TAFA2: variants seen among roughly 807,000 people sequenced by gnomAD.
The protein encoded by TAFA2 is chemokine-like protein TAFA-2.
In TAFA2, 7 loss-of-function variants were observed where a neutral mutation model predicts 18.8. The ratio of observed to expected loss-of-function variants is 0.37; its 90% CI spans 0.21 to 0.70. The LOEUF is 0.70. TAFA2 is among the 30% of genes least tolerant of loss of function. The pLI is 0.53. For synonymous variants in TAFA2, 60 were observed against 54.2 expected (o/e 1.11, Z -0.47); for missense variants, 122 against 158.1 (o/e 0.77, Z 1.23).
rs192909577 is a variant in TAFA2, at chr12:62,111,678, G to A, written c.-2+79581C>T. Among the ~76,000 whole-genome samples the A allele has an allele frequency of 2.9e-4, 44 of 152,170 alleles. No individual in the cohort carries two copies. The East Asian group carries it at 7.1e-3, about 25-fold the overall frequency. On this transcript the variant is annotated intron_variant, in intron 1 of 4. Coordinates refer to ENST00000416284, the MANE Select transcript of TAFA2 (RefSeq NM_178539.5). ...GTATGAATCTAGGTGCTCCTGTATTGGGTACATATATATTTAGTATAGTTA... is the reference window on the plus strand; with the variant it reads ...GTATGAATCTAGGTGCTCCTGTATTAGGTACATATATATTTAGTATAGTTA...
At chr12:61,926,480 T>G (rs549668656) in intron 1 of TAFA2, among the ~76,000 whole-genome samples, 26 of 152,104 alleles carry the variant, frequency 1.7e-4, no homozygotes, top group African/African-American at 6.3e-4. Context: ...CAGTAGCACA[T>G]CAAAAAGCTT....
At chr12:61,863,267 T>C (rs1454822368) in intron 2 of TAFA2, among the ~76,000 whole-genome samples, 2 of 152,140 alleles carry the variant, frequency 1.3e-5, no homozygotes, top group Non-Finnish European at 1.5e-5. Context: ...TAAAGGTCCC[T>C]GATGACCATG....
Position 61,935,855 on chromosome 12 carries a change from T to TAA in TAFA2, c.-1-68431_-1-68430dup, listed in dbSNP as rs559193679. ...TAAGTTCTGAAATTGAATCAGTAATTAAAAAAAAAACTTACCAAACAAAAA... is the reference window on the plus strand; with the variant it reads ...TAAGTTCTGAAATTGAATCAGTAATTAAAAAAAAAAAACTTACCAAACAAAAA... On this transcript the variant is annotated intron_variant, in intron 1 of 4. Transcript: ENST00000416284. Among the ~76,000 whole-genome samples, 588 of 148,128 alleles carry TAA rather than the reference T, an allele frequency of 4.0e-3. 5 individuals carry two copies. The highest frequency in any genetic ancestry group is 0.014 in the African/African-American group (555 of 40,510).
At chr12:61,887,653 C>A (rs1227522233) in intron 1 of TAFA2, among the ~76,000 whole-genome samples, 1 of 142,088 alleles carries the variant, frequency 7.0e-6, no homozygotes, top group Non-Finnish European at 1.5e-5. Flanking sequence ...TCTCATTGTT[C>A]AATTCCCACC....
At chr12:61,859,349 G>T (rs1592439976) in intron 2 of TAFA2, among the ~76,000 whole-genome samples, 1 of 152,196 alleles carries the variant, frequency 6.6e-6, no homozygotes, top group East Asian at 1.9e-4. Context: ...TCCCACCATT[G>T]ACACGTGGGG....
intron 2 of TAFA2, among the ~76,000 whole-genome samples, chr12:61,840,420 T>G (rs1025589874): frequency 1.3e-5 from 2 of 152,168 alleles, no homozygotes; most frequent in Non-Finnish European, 2.9e-5. Context: ...TTAAAACTTC[T>G]TAAACTCACT....
At chr12:62,077,471 G>A (rs947166355) in intron 1 of TAFA2, among the ~76,000 whole-genome samples, 1 of 152,202 alleles carries the variant, frequency 6.6e-6, no homozygotes, top group Non-Finnish European at 1.5e-5. Context: ...ATTGCTAAAA[G>A]GAAAGTAATA....
At chr12:61,863,345 G>A (rs1316117577) in intron 2 of TAFA2, among the ~76,000 whole-genome samples, 3 of 152,154 alleles carry the variant, frequency 2.0e-5, no homozygotes, top group African/African-American at 7.2e-5. Flanking sequence ...TGATCCACAG[G>A]GGCATCTTGT....
At chr12:61,794,574 T>C (rs1485148452) in intron 2 of TAFA2, among the ~76,000 whole-genome samples, 1 of 152,060 alleles carries the variant, frequency 6.6e-6, no homozygotes, top group African/African-American at 2.4e-5. Context: ...ATACTTAATA[T>C]TATGATTTCG....
chr12:62,153,175 G>A (rs915662091), intron 1 of TAFA2, among the ~76,000 whole-genome samples: 5 of 152,242 alleles, frequency 3.3e-5, no homozygotes, highest in African/African-American at 1.2e-4. Flanking sequence ...AAGTAAGGTG[G>A]TGACTACAAC....
intron 2 of TAFA2, among the ~76,000 whole-genome samples, chr12:61,807,481 T>G (rs1871669226): frequency 6.6e-6 from 1 of 151,218 alleles, no homozygotes. Context: ...GAGGGAAACA[T>G]GAGGTCAGAA....
At chr12:62,129,909 C>A (rs1187935641) in intron 1 of TAFA2, among the ~76,000 whole-genome samples, 1 of 151,922 alleles carries the variant, frequency 6.6e-6, no homozygotes, top group Non-Finnish European at 1.5e-5. Context: ...TCTTGAAGAT[C>A]CAGAATTCTA....
intron 1 of TAFA2, among the ~76,000 whole-genome samples, chr12:62,065,099 A>C (rs1320281731): frequency 6.6e-6 from 1 of 152,064 alleles, no homozygotes. Context: ...AAAATCACAC[A>C]GCCTTGTTTT....
chr12:61,724,794 T>TATACACCAGATGG (rs1255469826), intron 4 of TAFA2, among the ~76,000 whole-genome samples: 22,051 of 123,662 alleles, frequency 0.18, 1,640 homozygotes, highest in Non-Finnish European at 0.21. Flanking sequence ...TGTGTGTGTG[T>TATACACCAGATGG]GTGTGTGTAT....
intron 1 of TAFA2, among the ~76,000 whole-genome samples, chr12:62,190,568 T>C (rs2062616530): frequency 6.6e-6 from 1 of 152,192 alleles, no homozygotes; most frequent in Non-Finnish European, 1.5e-5. Flanking sequence ...GTTAAGAGAA[T>C]CATTTACTAA....
chr12:61,757,077 A>C lies in TAFA2; in HGVS notation c.107-2053T>G, dbSNP rs116128443. On this transcript the variant is annotated intron_variant, in intron 2 of 4. Coordinates refer to ENST00000416284, the MANE Select transcript of TAFA2 (RefSeq NM_178539.5). ...GCATGGGAAATCTTTGGGTAGAAAT[A>C]GTATTACATCATCTATCTATTAGAA... Among the ~76,000 whole-genome samples the C allele has an allele frequency of 5.4e-3, 825 of 152,192 alleles. 6 individuals are homozygous for C. Among genetic ancestry groups the C allele is most frequent in the African/African-American group, 0.019 (786 of 41,560 alleles).
intron 2 of TAFA2, among the ~76,000 whole-genome samples, chr12:61,832,903 T>C (rs1872771454): frequency 6.6e-6 from 1 of 151,588 alleles, no homozygotes; most frequent in Non-Finnish European, 1.5e-5. Flanking sequence ...CATCCAATAC[T>C]AGGATTTAAA....
At chr12:62,084,795 A>G (rs1283094816) in intron 1 of TAFA2, among the ~76,000 whole-genome samples, 1 of 152,176 alleles carries the variant, frequency 6.6e-6, no homozygotes, top group Admixed American at 6.5e-5. Flanking sequence ...ATTCAGCAGA[A>G]CTATACTTCA....
In TAFA2 at chr12:62,147,971, A is replaced by C. The variant is rs149510265; in HGVS notation, c.-2+43288T>G. Among the ~76,000 whole-genome samples, 427 of 152,290 alleles carry C rather than the reference A, an allele frequency of 2.8e-3. 1 individual carries two copies. The highest frequency in any genetic ancestry group is 9.3e-3 in the African/African-American group (387 of 41,562). On this transcript the variant is annotated intron_variant, in intron 1 of 4. Coordinates refer to ENST00000416284, the MANE Select transcript of TAFA2 (RefSeq NM_178539.5). ...GAACATATGGAAAAAAATGTTCAAC[A>C]TCACTGATCATCAGAGAAATGCAAA... is the stretch of plus-strand genomic sequence containing the variant.
Sources: allele counts gnomAD v4.1 joint callset (sites outside exome capture counted in the v4.1 genomes callset), GRCh38; gene constraint gnomAD v4.1.1; transcripts MANE v1.5; gene names NCBI Gene and HGNC (gene_info 2026-07-23, HGNC 2026-07-21).